The following PCDHA10 variants were observed in gnomAD, a reference collection of about 807,000 sequenced individuals.
PCDHA10 encodes the protein protocadherin alpha-10.
In PCDHA10, 45 loss-of-function variants were observed where a neutral mutation model predicts 61.2. The observed-to-expected ratio is 0.74, with a 90% CI of 0.58 to 0.94. PCDHA10 has a LOEUF of 0.94. Among genes scored for constraint, PCDHA10 ranks in the 40% least tolerant of loss-of-function variants. The pLI is 0.00. For synonymous variants in PCDHA10, 602 were observed against 548.8 expected, an observed-to-expected ratio of 1.10 and a Z score of -1.35; for missense variants, 1,278 against 1,236.2, an observed-to-expected ratio of 1.03 and a Z score of -0.51.
intron 3 of PCDHA10, among the ~76,000 whole-genome samples, chr5:141,008,523 C>A (rs2098380908): frequency 6.6e-6 from 1 of 152,182 alleles, no homozygotes; most frequent in Admixed American, 6.5e-5. Context: ...CAATCAGACT[C>A]TTGGGAATGT....
intron 1 of PCDHA10, chr5:140,864,715 T>G (rs540368944): frequency 1.3e-5 from 2 of 152,390 alleles, no homozygotes; most frequent in Non-Finnish European, 2.9e-5. Flanking sequence ...GCTCTTCTAC[T>G]ATTTTGGGAA....
intron 1 of PCDHA10, chr5:140,968,151 T>C: frequency 6.2e-7 from 1 of 1,614,134 alleles, no homozygotes; most frequent in Non-Finnish European, 8.5e-7. Flanking sequence ...ATCTCTGACA[T>C]CAATGACAAT....
At chr5:140,896,858 A>C (rs1448787828) in intron 1 of PCDHA10, among the ~76,000 whole-genome samples, 3 of 152,192 alleles carry the variant, frequency 2.0e-5, no homozygotes, top group Non-Finnish European at 4.4e-5. Context: ...TGGGTACATA[A>C]TAAGTGTACA....
Position 141,010,331 on chromosome 5 carries a change from T to C in PCDHA10, c.*394T>C. 6.5e-7 allele frequency: 1 copy of C among 1,537,904 alleles called. No homozygotes were observed. Among genetic ancestry groups the C allele is most frequent in the Non-Finnish European group, 8.8e-7 (1 of 1,142,160 alleles). On this transcript the variant is annotated 3_prime_UTR_variant, in exon 4 of 4. Transcript: ENST00000307360. The stretch of plus-strand genomic sequence containing the variant: ...TTTTGAGATTGAGCAGCTTGGGAGT[T>C]TGTGGCCACTGGGTATGTGTGGCTA...
intron 1 of PCDHA10, among the ~76,000 whole-genome samples, chr5:140,935,507 G>A (rs2090409706): frequency 6.6e-6 from 1 of 152,138 alleles, no homozygotes. Context: ...CCTTACAAAT[G>A]CCCAGTAGGC....
intron 1 of PCDHA10, chr5:140,967,043 G>A: frequency 6.2e-7 from 1 of 1,612,108 alleles, no homozygotes; most frequent in Non-Finnish European, 8.5e-7. Context: ...CCTGGAGCTG[G>A]ACCTGACGAG....
chr5:140,941,201 TC>T (rs1462646812), intron 1 of PCDHA10, among the ~76,000 whole-genome samples: 2 of 103,500 alleles, frequency 1.9e-5, no homozygotes, highest in African/African-American at 7.9e-5. Context: ...TTTTCTTTCT[TC>T]CTTTCTTTCT....
At chr5:140,862,382 G>A (rs1213049114) in intron 1 of PCDHA10, 1 of 345,048 alleles carries the variant, frequency 2.9e-6, no homozygotes, top group East Asian at 7.5e-5. Context: ...GACTCCTCAC[G>A]TCTCTTCAAG....
At chr5:140,988,468 A>G (rs1184589294) in intron 3 of PCDHA10, among the ~76,000 whole-genome samples, 1 of 152,186 alleles carries the variant, frequency 6.6e-6, no homozygotes, top group African/African-American at 2.4e-5. Flanking sequence ...GGGTGTGGGA[A>G]GGGGAATTAG....
Position 140,966,227 on chromosome 5 carries a change from A to T in PCDHA10, c.2389-12722A>T, listed in dbSNP as rs556655692. The T allele has an allele frequency of 3.7e-5, 10 of 270,804 alleles. No individual in the cohort carries two copies. The South Asian group carries it at 1.7e-3, about 46-fold the overall frequency. 16.8% of individuals were successfully genotyped at this position (270,804 alleles called of 1,614,324 possible). On this transcript the variant is annotated intron_variant, in intron 1 of 3. Coordinates refer to ENST00000307360, the MANE Select transcript of PCDHA10 (RefSeq NM_018901.4). ...CTGCTTTTCCCAGACTAATCTCCTT[A>T]AAGACCCGTTAAGCAGGGGAGAGAC...
chr5:140,896,256 C>T (rs1335099704), intron 1 of PCDHA10, among the ~76,000 whole-genome samples: 3 of 152,192 alleles, frequency 2.0e-5, no homozygotes, highest in Non-Finnish European at 4.4e-5. Flanking sequence ...TGGTTATGTA[C>T]ACAGTTATGG....
intron 1 of PCDHA10, among the ~76,000 whole-genome samples, chr5:140,907,880 A>G (rs2073662183): frequency 6.6e-6 from 1 of 152,236 alleles, no homozygotes; most frequent in Non-Finnish European, 1.5e-5. Flanking sequence ...GAGCACTCAC[A>G]TGGGATACAA....
intron 3 of PCDHA10, among the ~76,000 whole-genome samples, chr5:141,007,375 A>G (rs2098319986): frequency 6.8e-6 from 1 of 146,418 alleles, no homozygotes; most frequent in Non-Finnish European, 1.5e-5. Context: ...ACATGATGGA[A>G]CACCATCTCT....
At chr5:140,949,222 G>T (rs1472220330) in intron 1 of PCDHA10, among the ~76,000 whole-genome samples, 1 of 151,662 alleles carries the variant, frequency 6.6e-6, no homozygotes, top group Non-Finnish European at 1.5e-5. Flanking sequence ...GTTTAGACTT[G>T]TTCTGTGGCC....
intron 1 of PCDHA10, chr5:140,928,082 T>C: frequency 1.2e-6 from 2 of 1,614,212 alleles, no homozygotes. Context: ...TACTACAGCC[T>C]GCTGATTGAT....
intron 1 of PCDHA10, among the ~76,000 whole-genome samples, chr5:140,873,949 C>G (rs1161044001): frequency 1.3e-5 from 2 of 152,218 alleles, no homozygotes; most frequent in Non-Finnish European, 1.5e-5. Flanking sequence ...GTGTAAGTCA[C>G]TGAGCCCAGC....
chr5:140,936,272 C>T lies in PCDHA10; in HGVS notation c.2389-42677C>T, dbSNP rs1303356923. 2.0e-5 allele frequency among the ~76,000 whole-genome samples: 3 copies of T among 152,254 alleles called. No individual in the cohort carries two copies. In the East Asian group the frequency reaches 5.8e-4, roughly 29 times the overall value. On this transcript the variant is annotated intron_variant, in intron 1 of 3. Transcript: ENST00000307360. Reference sequence around the variant, plus strand: ...TGCTTCAAGTCATGAAGATATATTCCTGTGTTTTCTTCTATAACATTGCTA... The same window carrying T: ...TGCTTCAAGTCATGAAGATATATTCTTGTGTTTTCTTCTATAACATTGCTA...
chr5:140,862,863 G>A (rs782640328), intron 1 of PCDHA10: 1 of 507,610 alleles, frequency 2.0e-6, no homozygotes, highest in South Asian at 1.4e-5. Flanking sequence ...GCAATGTGAC[G>A]CTGCCAGGTA....
intron 1 of PCDHA10, chr5:140,876,814 G>A (rs571648883): frequency 1.1e-5 from 18 of 1,614,108 alleles, no homozygotes; most frequent in Non-Finnish European, 1.5e-5. Context: ...GGTGGCCGAC[G>A]TGAACGACAA....
Sources: gnomAD v4.1 joint callset for allele counts (sites outside exome capture counted in the v4.1 genomes callset) on GRCh38, gnomAD v4.1.1 for gene constraint, MANE v1.5 for transcripts, NCBI Gene and HGNC (gene_info 2026-07-23, HGNC 2026-07-21) for gene names.